Variants in MYO1D observed in about 807,000 individuals in gnomAD.
MYO1D encodes the protein myosin ID.
A neutral mutation model predicts 122.0 loss-of-function variants in MYO1D; 83 were observed. The observed-to-expected ratio is 0.68, with a 90% CI of 0.57 to 0.82. The LOEUF is 0.82. MYO1D is among the 40% of genes least tolerant of loss of function. The pLI, the probability that MYO1D is intolerant of heterozygous loss-of-function variation, is 0.00. For missense variants in MYO1D, 1,157 were observed against 1,269.5 expected (o/e 0.91, Z 1.35); for synonymous variants, 464 against 446.9 (o/e 1.04, Z -0.48).
At chr17:32,875,468 G>C (rs2091219877) in intron 1 of MYO1D, among the ~76,000 whole-genome samples, 1 of 152,186 alleles carries the variant, frequency 6.6e-6, no homozygotes, top group Admixed American at 6.5e-5. Context: ...GAGGCACAGA[G>C]AGGTTAAGTA....
chr17:32,869,206 G>A (rs539086048), intron 1 of MYO1D, among the ~76,000 whole-genome samples: 52 of 150,852 alleles, frequency 3.4e-4, no homozygotes, highest in African/African-American at 1.0e-3. Flanking sequence ...GCAACAGAGC[G>A]AGGCCCTGTC....
chr17:32,508,069 G>C (rs778489744), intron 21 of MYO1D, among the ~76,000 whole-genome samples: 2 of 151,866 alleles, frequency 1.3e-5, no homozygotes, highest in Non-Finnish European at 2.9e-5. Flanking sequence ...GGCAATTTTT[G>C]TATTTTTAGT....
At chr17:32,511,051 G>T (rs1004546249) in intron 21 of MYO1D, among the ~76,000 whole-genome samples, 3 of 152,046 alleles carry the variant, frequency 2.0e-5, no homozygotes, top group Admixed American at 2.0e-4. Context: ...AGAGGGCTGG[G>T]GCCACCTCAG....
rs1438612011 is a variant in MYO1D, at chr17:32,492,569, C to G, written c.*2190G>C. On this transcript the variant is annotated 3_prime_UTR_variant, in exon 22 of 22. Coordinates refer to ENST00000318217, the MANE Select transcript of MYO1D (RefSeq NM_015194.3). ...TGACTTTATTTAAGCAAAAATTTCACCAAGTTTTCAGTGACAGATAAGCAG... is the reference window on the plus strand; with the variant it reads ...TGACTTTATTTAAGCAAAAATTTCAGCAAGTTTTCAGTGACAGATAAGCAG... 6.6e-6 allele frequency: 1 copy of G among 152,468 alleles called. No individual in the cohort carries two copies. The highest frequency in any genetic ancestry group is 2.4e-5 in the African/African-American group (1 of 41,434). 9.4% of individuals were successfully genotyped at this position (152,468 alleles called of 1,614,324 possible).
At chr17:32,542,085 G>A (rs973705000) in intron 21 of MYO1D, among the ~76,000 whole-genome samples, 2 of 152,040 alleles carry the variant, frequency 1.3e-5, no homozygotes, top group African/African-American at 4.8e-5. Context: ...CTGGCTCCCA[G>A]AACACACATC....
chr17:32,676,397 G>A (rs2088809985), intron 16 of MYO1D, among the ~76,000 whole-genome samples: 1 of 136,982 alleles, frequency 7.3e-6, no homozygotes, highest in Admixed American at 7.3e-5. Context: ...TTTACATAAT[G>A]ATCTGTAAGG....
chr17:32,563,507 G>A (rs971290017), intron 21 of MYO1D, among the ~76,000 whole-genome samples: 10 of 152,044 alleles, frequency 6.6e-5, no homozygotes, highest in African/African-American at 2.2e-4. Context: ...GTGTGCCACC[G>A]CACCCAGCCT....
intron 1 of MYO1D, among the ~76,000 whole-genome samples, chr17:32,829,126 T>A (rs2090749816): frequency 6.6e-6 from 1 of 152,166 alleles, no homozygotes; most frequent in African/African-American, 2.4e-5. Flanking sequence ...GCTTTTAAGA[T>A]GAAATCTTGA....
chr17:32,537,044 G>A (rs925747712), intron 21 of MYO1D, among the ~76,000 whole-genome samples: 4 of 152,184 alleles, frequency 2.6e-5, no homozygotes, highest in Non-Finnish European at 5.9e-5. Context: ...AAGGAATGGA[G>A]AAACATCTAA....
intron 21 of MYO1D, among the ~76,000 whole-genome samples, chr17:32,557,464 C>CTCTA (rs1388218700): frequency 1.3e-5 from 2 of 152,018 alleles, no homozygotes; most frequent in African/African-American, 4.8e-5. Context: ...TGCTCTGGTG[C>CTCTA]TCTAGTTCAG....
chr17:32,555,485 T>A (rs1307901556), intron 21 of MYO1D, among the ~76,000 whole-genome samples: 1 of 152,144 alleles, frequency 6.6e-6, no homozygotes, highest in African/African-American at 2.4e-5. Flanking sequence ...TTCTAAAATT[T>A]CTACAAATAG....
intron 1 of MYO1D, among the ~76,000 whole-genome samples, chr17:32,786,665 C>T (rs930405691): frequency 2.2e-4 from 33 of 152,052 alleles, no homozygotes; most frequent in African/African-American, 7.5e-4. Context: ...ACTAAAAATA[C>T]AAAAATTAGC....
At chr17:32,739,652 T>C (rs73281822) in intron 13 of MYO1D, among the ~76,000 whole-genome samples, 5,853 of 152,090 alleles carry the variant, frequency 0.038, 372 homozygotes, top group African/African-American at 0.13. Flanking sequence ...AAAAAAAAAT[T>C]GGGGGTTGAG....
At chr17:32,840,487 T>C (rs1424101397) in intron 1 of MYO1D, among the ~76,000 whole-genome samples, 1 of 152,216 alleles carries the variant, frequency 6.6e-6, no homozygotes, top group Non-Finnish European at 1.5e-5. Flanking sequence ...GTATTTATAT[T>C]ACCATTTGCT....
Position 32,869,414 on chromosome 17 carries a change from C to T in MYO1D, c.95+7364G>A, listed in dbSNP as rs184327532. Among the ~76,000 whole-genome samples the T allele has an allele frequency of 2.2e-3, 333 of 152,302 alleles. 1 individual carries two copies. The highest frequency in any genetic ancestry group is 7.1e-3 in the African/African-American group (295 of 41,570). Reference sequence around the variant, plus strand: ...TAGTTGGCATTTTTATAGGCCATGTCGGTGAGGCTCATGAACAGGTAATCT... The same window carrying T: ...TAGTTGGCATTTTTATAGGCCATGTTGGTGAGGCTCATGAACAGGTAATCT... On this transcript the variant is annotated intron_variant, in intron 1 of 21. Coordinates refer to ENST00000318217, the MANE Select transcript of MYO1D (RefSeq NM_015194.3).
At position 32,743,477 on chromosome 17, in the gene MYO1D, T is replaced by C. The variant is rs557305713; in HGVS notation, c.1613+1734A>G. Among the ~76,000 whole-genome samples, 10 of 152,284 alleles carry C rather than the reference T, an allele frequency of 6.6e-5. No homozygotes were observed. In the East Asian group the frequency reaches 1.9e-3, roughly 29 times the overall value. On this transcript the variant is annotated intron_variant, in intron 13 of 21. Coordinates refer to ENST00000318217, the MANE Select transcript of MYO1D (RefSeq NM_015194.3). ...TCAGGTATCACCTTTGATTTCCGTCTTCCTCTCACACCACACATTGTCTCT... is the reference window on the plus strand; with the variant it reads ...TCAGGTATCACCTTTGATTTCCGTCCTCCTCTCACACCACACATTGTCTCT...
chr17:32,529,720 G>T (rs1019914959), intron 21 of MYO1D: 1 of 152,358 alleles, frequency 6.6e-6, no homozygotes, highest in African/African-American at 2.4e-5. Context: ...CTGTCTGAGA[G>T]AAGACAGGGA....
chr17:32,610,957 T>C (rs2087693143), intron 20 of MYO1D, among the ~76,000 whole-genome samples: 1 of 152,228 alleles, frequency 6.6e-6, no homozygotes, highest in South Asian at 2.1e-4. Context: ...ATTTCTATGC[T>C]ATGATAAATC....
chr17:32,589,278 C>T (rs1321454934), intron 21 of MYO1D, among the ~76,000 whole-genome samples: 2 of 152,212 alleles, frequency 1.3e-5, no homozygotes, highest in Non-Finnish European at 2.9e-5. Flanking sequence ...CTATGCTCTA[C>T]GCTGTTCTCT....
Sources: gnomAD v4.1 joint callset for allele counts (sites outside exome capture counted in the v4.1 genomes callset) on GRCh38, gnomAD v4.1.1 for gene constraint, MANE v1.5 for transcripts, NCBI Gene and HGNC (gene_info 2026-07-23, HGNC 2026-07-21) for gene names.